The following KCNAB1 variants were observed in gnomAD, a reference collection of about 807,000 sequenced individuals.
The protein encoded by KCNAB1 is voltage-gated potassium channel subunit beta-1.
In KCNAB1, 35 loss-of-function variants were observed where a neutral mutation model predicts 64.6. The observed-to-expected ratio is 0.54, with a 90% CI of 0.41 to 0.72. The LOEUF is 0.72. Ranked by LOEUF, KCNAB1 falls within the 30% of genes least tolerant of loss-of-function variation. The pLI is 0.00. For missense variants in KCNAB1, 401 were observed against 512.9 expected, an observed-to-expected ratio of 0.78 and a Z score of 2.11; for synonymous variants, 177 against 183.8, an observed-to-expected ratio of 0.96 and a Z score of 0.30.
chr3:156,175,995 C>T lies in KCNAB1; in HGVS notation c.275+55109C>T. The stretch of plus-strand genomic sequence containing the variant: ...TCCTGCTTGTGGTATCCCACACATA[C>T]ACAAACCTGTCGGCTGTGCCAGGTG... On this transcript the variant is annotated intron_variant, in intron 1 of 13. Transcript: ENST00000490337. 6 of 912,046 alleles carry T rather than the reference C, an allele frequency of 6.6e-6. 1 individual carries two copies. In the Admixed American group the frequency reaches 1.0e-4, roughly 16 times the overall value. The allele number at this position is 912,046 out of a possible 1,614,324, so 56.5% of individuals were successfully genotyped here. A position where few individuals can be genotyped will look rare whatever the true frequency, so the allele number is the denominator to read the frequency against.
At chr3:156,209,056 G>GT (rs1301180405) in intron 1 of KCNAB1, among the ~76,000 whole-genome samples, 1 of 152,200 alleles carries the variant, frequency 6.6e-6, no homozygotes, top group South Asian at 2.1e-4. Context: ...AAGATACTAT[G>GT]TTTTTTAAAC....
rs111360468 is a variant in KCNAB1, at chr3:156,356,196, A to G, written c.276-65420A>G. Among the ~76,000 whole-genome samples the G allele has an allele frequency of 7.0e-3, 1,059 of 151,938 alleles. 11 individuals carry two copies. Among genetic ancestry groups the G allele is most frequent in the African/African-American group, 0.023 (970 of 41,388 alleles). ...AGAAAAAAAGAAAAAGAAAGAAAGA[A>G]AGAAAGAAGAGAAATGTGACCCCAA... On this transcript the variant is annotated intron_variant, in intron 1 of 13. Transcript: ENST00000490337.
At chr3:156,317,791 C>T (rs950016231) in intron 1 of KCNAB1, among the ~76,000 whole-genome samples, 1 of 152,140 alleles carries the variant, frequency 6.6e-6, no homozygotes, top group Non-Finnish European at 1.5e-5. Context: ...AGCTGAAACA[C>T]GTAACCATTA....
Position 156,120,757 on chromosome 3 carries a change from C to G in KCNAB1, c.146C>G (p.Pro49Arg). The change falls in exon 1 of 14, where the codon CCC becomes CGC. Residue 49 changes from proline (P) to arginine (R), a missense_variant. Pro to Arg is a moderately radical substitution (Grantham distance 103, BLOSUM62 -2). Coordinates refer to ENST00000490337, the MANE Select transcript of KCNAB1 (RefSeq NM_172160.3). ...SENAKDSSLSPSGESQLRARQ... is the reference protein window; with the variant it reads ...SENAKDSSLSRSGESQLRARQ... ...AACGCTAAAGACAGCAGCCTTAGTC[C>G]CTCAGGGGAAAGCCAGCTCAGGGCG... 6.2e-7 allele frequency: 1 copy of G among 1,613,902 alleles called. No individual in the cohort carries two copies. Among genetic ancestry groups the G allele is most frequent in the Non-Finnish European group, 8.5e-7 (1 of 1,179,736 alleles).
rs371003752 is a variant in KCNAB1 at position 156,300,502 on chromosome 3, G to A, written c.276-121114G>A. Among the ~76,000 whole-genome samples the A allele has an allele frequency of 1.5e-3, 223 of 152,250 alleles. 2 individuals are homozygous for A. The highest frequency in any genetic ancestry group is 1.9e-3 in the Non-Finnish European group (126 of 68,010). ...CTCTTCTTTCAGTCACTCAGTGCTG[G>A]ATACAATTCCAAGTCAAAGTCTAGA... On this transcript the variant is annotated intron_variant, in intron 1 of 13. Transcript: ENST00000490337.
At chr3:156,382,325 A>T (rs959411751) in intron 1 of KCNAB1, 1 of 152,226 alleles carries the variant, frequency 6.6e-6, no homozygotes, top group Non-Finnish European at 1.5e-5. Context: ...TCTACTAAAA[A>T]TACAAAATTA....
intron 1 of KCNAB1, among the ~76,000 whole-genome samples, chr3:156,417,033 C>A (rs1456861452): frequency 1.3e-5 from 2 of 152,124 alleles, no homozygotes; most frequent in Non-Finnish European, 2.9e-5. Context: ...CTGGTGAATC[C>A]CAAATGAGTC....
chr3:156,351,338 T>C (rs1357267033), intron 1 of KCNAB1, among the ~76,000 whole-genome samples: 1 of 152,172 alleles, frequency 6.6e-6, no homozygotes, highest in Non-Finnish European at 1.5e-5. Context: ...CATGTGAGCT[T>C]CTTGGGAAGA....
intron 1 of KCNAB1, among the ~76,000 whole-genome samples, chr3:156,223,950 G>A (rs772794515): frequency 4.3e-4 from 66 of 152,362 alleles, no homozygotes; most frequent in Non-Finnish European, 8.4e-4. Flanking sequence ...ACCGGGCTCC[G>A]TGGAGCAGGG....
chr3:156,299,161 C>T (rs1186770034), intron 1 of KCNAB1, among the ~76,000 whole-genome samples: 1 of 152,246 alleles, frequency 6.6e-6, no homozygotes, highest in Non-Finnish European at 1.5e-5. Context: ...GCTCCTTTCG[C>T]TTCCACATTG....
upstream of KCNAB1, among the ~76,000 whole-genome samples, chr3:156,118,853 A>T (rs1713197882): frequency 6.6e-6 from 1 of 152,230 alleles, no homozygotes; most frequent in Non-Finnish European, 1.5e-5. Context: ...CGGGGAGTCT[A>T]GTTGCTATGC....
At chr3:156,227,833 C>A (rs958263089) in intron 1 of KCNAB1, 4 of 152,252 alleles carry the variant, frequency 2.6e-5, no homozygotes. Context: ...TAAGGAGGGA[C>A]CTCCTCGTAC....
chr3:156,262,151 G>A (rs567178134), intron 1 of KCNAB1, among the ~76,000 whole-genome samples: 46 of 152,002 alleles, frequency 3.0e-4, no homozygotes, highest in African/African-American at 1.1e-3. Flanking sequence ...AATAAAAACA[G>A]TTTTACTTCT....
chr3:156,140,018 A>G (rs913578697), intron 1 of KCNAB1, among the ~76,000 whole-genome samples: 4 of 152,196 alleles, frequency 2.6e-5, no homozygotes, highest in Non-Finnish European at 5.9e-5. Flanking sequence ...TCCTGTTTCA[A>G]TTTCCTTTCA....
At chr3:156,471,747 G>A (rs1429359597) in intron 7 of KCNAB1, among the ~76,000 whole-genome samples, 3 of 152,174 alleles carry the variant, frequency 2.0e-5, no homozygotes, top group Admixed American at 6.5e-5. Context: ...GAAACTAAAC[G>A]TAAATGGCTC....
chr3:156,376,582 T>A (rs183971697), intron 1 of KCNAB1, among the ~76,000 whole-genome samples: 10 of 152,226 alleles, frequency 6.6e-5, no homozygotes, highest in African/African-American at 2.2e-4. Flanking sequence ...ACAGTTCTAA[T>A]GAAGTGCAGG....
intron 1 of KCNAB1, among the ~76,000 whole-genome samples, chr3:156,194,943 C>T (rs143395222): frequency 1.9e-4 from 29 of 152,026 alleles, no homozygotes; most frequent in Admixed American, 3.9e-4. Flanking sequence ...CCTTTCCCCC[C>T]ACCCCCAACA....
At chr3:156,141,461 A>G (rs963313732) in intron 1 of KCNAB1, among the ~76,000 whole-genome samples, 1 of 151,954 alleles carries the variant, frequency 6.6e-6, no homozygotes, top group Non-Finnish European at 1.5e-5. Context: ...CTCTAGCTAC[A>G]ATTTTGCCAT....
At chr3:156,164,143 A>G (rs999624173) in intron 1 of KCNAB1, among the ~76,000 whole-genome samples, 2 of 152,192 alleles carry the variant, frequency 1.3e-5, no homozygotes. Flanking sequence ...ATGAAGAATG[A>G]CTTGGCCTCC....
Sources: gnomAD v4.1 joint callset for allele counts (sites outside exome capture counted in the v4.1 genomes callset) on GRCh38, gnomAD v4.1.1 for gene constraint, MANE v1.5 for transcripts, NCBI Gene and HGNC (gene_info 2026-07-23, HGNC 2026-07-21) for gene names.